PACRG: variants seen among roughly 807,000 people sequenced by gnomAD.
PACRG encodes the protein parkin coregulated gene protein.
PACRG carries 29 observed loss-of-function variants against 29.7 expected under a neutral mutation model. The observed-to-expected ratio is 0.98, with a 90% CI of 0.73 to 1.33. The LOEUF is 1.33. Among genes scored for constraint, PACRG ranks in the 40% most tolerant of loss-of-function variants. The pLI is 0.00. For missense variants in PACRG, 279 were observed against 316.2 expected, an observed-to-expected ratio of 0.88 and a Z score of 0.89; for synonymous variants, 116 against 118.7, an observed-to-expected ratio of 0.98 and a Z score of 0.15.
intron 2 of PACRG, among the ~76,000 whole-genome samples, chr6:162,978,643 C>T (rs1392198090): frequency 6.6e-6 from 1 of 152,100 alleles, no homozygotes; most frequent in Non-Finnish European, 1.5e-5. Flanking sequence ...TTTTATTCAG[C>T]ATTTTATTCT....
At chr6:162,791,704 A>T (rs1784963606) in intron 1 of PACRG, among the ~76,000 whole-genome samples, 1 of 152,326 alleles carries the variant, frequency 6.6e-6, no homozygotes, top group African/African-American at 2.4e-5. Flanking sequence ...TTTAAAATAT[A>T]TAGCATCCCA....
chr6:163,065,259 G>A (rs1272794392), intron 3 of PACRG, among the ~76,000 whole-genome samples: 1 of 152,178 alleles, frequency 6.6e-6, no homozygotes, highest in African/African-American at 2.4e-5. Context: ...TGGTGATGGA[G>A]CATTGATTGC....
chr6:163,086,666 TC>T (rs781448767), intron 3 of PACRG, among the ~76,000 whole-genome samples: 1 of 152,136 alleles, frequency 6.6e-6, no homozygotes, highest in Non-Finnish European at 1.5e-5. Context: ...TTAAAAAACT[TC>T]CTAGTGATTC....
At chr6:163,312,976 A>T (rs1310231926) in intron 4 of PACRG, 1 of 249,178 alleles carries the variant, frequency 4.0e-6, no homozygotes, top group East Asian at 1.6e-4. Context: ...GGCTGGTCTC[A>T]AACTCCTGGT....
intron 4 of PACRG, among the ~76,000 whole-genome samples, chr6:163,096,251 C>T (rs1347570289): frequency 2.0e-5 from 3 of 152,176 alleles, no homozygotes; most frequent in Non-Finnish European, 4.4e-5. Context: ...CATAGCAGCA[C>T]CCCAGGGTGC....
intron 2 of PACRG, chr6:162,891,863 C>T (rs956834143): frequency 1.3e-5 from 2 of 152,370 alleles, no homozygotes; most frequent in Non-Finnish European, 2.9e-5. Context: ...ACCAGGCTGC[C>T]TGAGTTTACC....
intron 2 of PACRG, among the ~76,000 whole-genome samples, chr6:162,834,576 A>G (rs1437017201): frequency 6.6e-6 from 1 of 151,802 alleles, no homozygotes; most frequent in Non-Finnish European, 1.5e-5. Context: ...TGACATCCTT[A>G]TTAAAACTTG....
intron 1 of PACRG, among the ~76,000 whole-genome samples, chr6:162,767,799 A>G (rs1421294644): frequency 6.6e-6 from 1 of 151,976 alleles, no homozygotes; most frequent in Non-Finnish European, 1.5e-5. Flanking sequence ...GGATTAATAC[A>G]TGCTATTTCT....
At chr6:163,217,472 A>G (rs768655097) in intron 4 of PACRG, among the ~76,000 whole-genome samples, 4 of 152,148 alleles carry the variant, frequency 2.6e-5, no homozygotes, top group Non-Finnish European at 5.9e-5. Flanking sequence ...ACCTTTGATC[A>G]TGATTCTCAA....
rs1190711317 is a variant in PACRG at position 162,787,580 on chromosome 6, GTGTATATATATATATATATA to G, written c.157-26565_157-26546del. 3.8e-3 allele frequency among the ~76,000 whole-genome samples: 266 copies of G among 69,176 alleles called. 8 individuals carry two copies. Among genetic ancestry groups the G allele is most frequent in the African/African-American group, 0.015 (250 of 16,956 alleles). 45.4% of individuals were successfully genotyped at this position (69,176 alleles called of 152,430 possible). On this transcript the variant is annotated intron_variant, in intron 1 of 4. Transcript: ENST00000366888. ...TTATTGTGTGTGTGTGTGTGTGTGT[GTGTATATATATATATATATA>G]TATATATATATATATATATATGGTT... is the stretch of plus-strand genomic sequence containing the variant.
rs569889865 is a variant in PACRG at position 162,923,773 on chromosome 6, A to G, written c.291+109492A>G. The stretch of plus-strand genomic sequence containing the variant: ...TTTGGTAACCATAGGCTTATAATAT[A>G]TTTTGAAGTCAGGTAGTGTGATGTC... On this transcript the variant is annotated intron_variant, in intron 2 of 4. Coordinates refer to ENST00000366888, the MANE Select transcript of PACRG (RefSeq NM_001080379.2). Among the ~76,000 whole-genome samples the G allele has an allele frequency of 3.9e-5, 6 of 152,180 alleles. No individual in the cohort carries two copies. In the East Asian group the frequency reaches 7.7e-4, roughly 20 times the overall value.
In PACRG at chr6:163,235,158, G is replaced by A. The variant is rs974230836; in HGVS notation, c.614-79669G>A. ...GGGCTCACCTCTTCCATCGTAAGCCGGCTGAATGGGAGTTGTGGGCATGAC... is the reference window on the plus strand; with the variant it reads ...GGGCTCACCTCTTCCATCGTAAGCCAGCTGAATGGGAGTTGTGGGCATGAC... On this transcript the variant is annotated intron_variant, in intron 4 of 4. Transcript: ENST00000366888. Among the ~76,000 whole-genome samples the A allele has an allele frequency of 5.3e-5, 8 of 152,100 alleles. No individual in the cohort carries two copies. The South Asian group carries it at 1.7e-3, about 32-fold the overall frequency.
chr6:162,749,149 C>T (rs1290003092), intron 1 of PACRG, among the ~76,000 whole-genome samples: 2 of 152,166 alleles, frequency 1.3e-5, no homozygotes, highest in African/African-American at 4.8e-5. Context: ...ATGGATATAG[C>T]ATACTTTGTT....
chr6:163,017,569 T>C (rs1488476042), intron 2 of PACRG, among the ~76,000 whole-genome samples: 1 of 152,154 alleles, frequency 6.6e-6, no homozygotes, highest in Non-Finnish European at 1.5e-5. Flanking sequence ...ATACTCTGGG[T>C]CCTTTTCACG....
chr6:163,056,306 T>C (rs1023176303), intron 2 of PACRG, among the ~76,000 whole-genome samples: 11 of 152,230 alleles, frequency 7.2e-5, no homozygotes, highest in African/African-American at 2.7e-4. Flanking sequence ...ATAGCAGCAT[T>C]ATTCACAATA....
chr6:162,986,910 T>C (rs1802948564), intron 2 of PACRG, among the ~76,000 whole-genome samples: 1 of 151,840 alleles, frequency 6.6e-6, no homozygotes, highest in South Asian at 2.1e-4. Context: ...CTGGATAATT[T>C]TTCATTCTTA....
At chr6:163,234,752 A>C (rs1782169827) in intron 4 of PACRG, among the ~76,000 whole-genome samples, 1 of 152,226 alleles carries the variant, frequency 6.6e-6, no homozygotes. Context: ...TCTTGGAGGC[A>C]AAGTAAAATA....
chr6:162,935,886 G>C (rs1424236195), intron 2 of PACRG, among the ~76,000 whole-genome samples: 2 of 152,082 alleles, frequency 1.3e-5, no homozygotes, highest in Non-Finnish European at 2.9e-5. Flanking sequence ...AAAGACTACT[G>C]GGAGCAAAAT....
intron 2 of PACRG, among the ~76,000 whole-genome samples, chr6:162,925,587 G>C (rs138548693): frequency 3.3e-5 from 5 of 151,532 alleles, no homozygotes. Context: ...TAGATGCAAA[G>C]TCCTTCAATA....
Sources: gnomAD v4.1 joint callset for allele counts (sites outside exome capture counted in the v4.1 genomes callset) on GRCh38, gnomAD v4.1.1 for gene constraint, MANE v1.5 for transcripts, NCBI Gene and HGNC (gene_info 2026-07-23, HGNC 2026-07-21) for gene names.